CCZ1B: variants seen among roughly 807,000 people sequenced by gnomAD.
CCZ1B encodes the protein vacuolar fusion protein CCZ1 homolog B.
In CCZ1B, 25 loss-of-function variants were observed where a neutral mutation model predicts 58.8. That is an observed-to-expected ratio of 0.43 (90% confidence interval 0.31 to 0.59). The LOEUF is 0.59. Ranked by LOEUF, CCZ1B falls within the 20% of genes least tolerant of loss-of-function variation. The pLI is 0.12. For synonymous variants in CCZ1B, 66 were observed against 173.2 expected (o/e 0.38, Z 4.86); for missense variants, 180 against 501.5 (o/e 0.36, Z 6.12).
At chr7:6,818,807 G>C (rs1783061399) in intron 7 of CCZ1B, among the ~76,000 whole-genome samples, 1 of 148,830 alleles carries the variant, frequency 6.7e-6, no homozygotes, top group Non-Finnish European at 1.5e-5. Context: ...GATGACTTCT[G>C]TCCACCTACT....
intron 10 of CCZ1B, among the ~76,000 whole-genome samples, chr7:6,808,441 C>G (rs1475800304): frequency 6.8e-6 from 1 of 148,044 alleles, no homozygotes; most frequent in Non-Finnish European, 1.5e-5. Context: ...CCAACCCAAA[C>G]CAACCTAAAG....
intron 7 of CCZ1B, among the ~76,000 whole-genome samples, chr7:6,816,418 C>T (rs62441816): frequency 0.28 from 40,301 of 144,930 alleles, 5,948 homozygotes; most frequent in South Asian, 0.47. Flanking sequence ...GAGGCGCAGG[C>T]TGAAGTGAGC....
rs532992417 is a variant in CCZ1B, at chr7:6,815,314, C to G, written c.699-469G>C. ...CAGACTAGCTGGGACTACAGGCATGCGCCACCATCAGCTAATTTTTGTATT... is the reference window on the plus strand; with the variant it reads ...CAGACTAGCTGGGACTACAGGCATGGGCCACCATCAGCTAATTTTTGTATT... On this transcript the variant is annotated intron_variant, in intron 7 of 14. Coordinates refer to ENST00000316731, the MANE Select transcript of CCZ1B (RefSeq NM_198097.5). 4.7e-5 allele frequency among the ~76,000 whole-genome samples: 7 copies of G among 148,412 alleles called. 1 individual carries two copies. Among genetic ancestry groups the G allele is most frequent in the African/African-American group, 1.8e-4 (7 of 39,072 alleles).
intron 11 of CCZ1B, 157 bp downstream of exon 11, chr7:6,805,847 A>G (rs1346721823): frequency 1.4e-6 from 1 of 702,158 alleles, no homozygotes; most frequent in Non-Finnish European, 2.6e-6. Flanking sequence ...GGCTACAGTG[A>G]GCTATGATCA....
At chr7:6,820,455 G>A (rs982771495) in intron 6 of CCZ1B, among the ~76,000 whole-genome samples, 10 of 149,010 alleles carry the variant, frequency 6.7e-5, no homozygotes, top group Non-Finnish European at 1.3e-4. Context: ...GGGATTAGAG[G>A]TGTGAGCCAC....
At chr7:6,807,557 GA>G (rs1180715669) in intron 10 of CCZ1B, among the ~76,000 whole-genome samples, 2 of 29,760 alleles carry the variant, frequency 6.7e-5, no homozygotes, top group African/African-American at 1.6e-4. Flanking sequence ...AAGAAACAAA[GA>G]GAGAAGACTC....
chr7:6,818,739 G>A (rs550480126), intron 7 of CCZ1B, among the ~76,000 whole-genome samples: 1 of 148,002 alleles, frequency 6.8e-6, no homozygotes, highest in South Asian at 2.2e-4. Flanking sequence ...AAGAAAGAAA[G>A]AGGGCTCTAG....
chr7:6,810,990 C>T (rs1368576392), intron 10 of CCZ1B, among the ~76,000 whole-genome samples: 1 of 151,236 alleles, frequency 6.6e-6, no homozygotes, highest in East Asian at 1.9e-4. Flanking sequence ...CAGGGGCAGA[C>T]ATCCACGTTA....
rs770529396 is a variant in CCZ1B, at chr7:6,823,371, G to A, written c.391-11C>T. 5 of 1,607,582 alleles carry A rather than the reference G, an allele frequency of 3.1e-6. No individual in the cohort carries two copies. The highest frequency in any genetic ancestry group is 2.2e-5 in the East Asian group (1 of 44,860). On this transcript the variant is annotated splice_polypyrimidine_tract_variant and intron_variant, in intron 4 of 14. Transcript: ENST00000316731. Reference sequence around the variant, plus strand: ...GCTATAAACCTTGTCCTGCAGACGCGAAAACACAGCACACAGCTCAGTTCA... The same window carrying A: ...GCTATAAACCTTGTCCTGCAGACGCAAAAACACAGCACACAGCTCAGTTCA...
At chr7:6,815,402 G>A (rs919273270) in intron 7 of CCZ1B, among the ~76,000 whole-genome samples, 13 of 149,496 alleles carry the variant, frequency 8.7e-5, no homozygotes, top group Non-Finnish European at 1.5e-4. Flanking sequence ...GACTCAAGCA[G>A]TGCTCCCGCC....
intron 10 of CCZ1B, among the ~76,000 whole-genome samples, chr7:6,811,176 C>CT (rs1345873537): frequency 1.3e-5 from 2 of 150,884 alleles, no homozygotes; most frequent in African/African-American, 5.0e-5. Context: ...AGGCCCCACT[C>CT]TGACTCCTCA....
At chr7:6,813,318 G>A (rs1242017059) in intron 8 of CCZ1B, among the ~76,000 whole-genome samples, 1 of 149,380 alleles carries the variant, frequency 6.7e-6, no homozygotes, top group Non-Finnish European at 1.5e-5. Flanking sequence ...AGGTGAGGTG[G>A]CTCACGCCTA....
intron 6 of CCZ1B, among the ~76,000 whole-genome samples, chr7:6,820,486 T>C (rs868492981): frequency 3.8e-4 from 57 of 149,224 alleles, no homozygotes; most frequent in African/African-American, 1.3e-3. Context: ...CAAAAATTTT[T>C]TTTTTTTTTT....
intron 7 of CCZ1B, among the ~76,000 whole-genome samples, chr7:6,817,562 C>T (rs1583554658): frequency 6.7e-6 from 1 of 149,780 alleles, no homozygotes; most frequent in African/African-American, 2.5e-5. Flanking sequence ...AGGAGCCATC[C>T]CTCTGCAGAC....
chr7:6,826,257 GC>G lies in CCZ1B; in HGVS notation c.-61del, dbSNP rs1159326288. On this transcript the variant is annotated 5_prime_UTR_variant, in exon 1 of 15. Transcript: ENST00000316731. ...GCCCGCCCAGAGACAGCAGCCACCG[GC>G]TAAAACACCGCACTTCCGCCTCCGT... is the stretch of plus-strand genomic sequence containing the variant. 1.3e-6 allele frequency: 1 copy of G among 763,074 alleles called. No homozygotes were observed. The allele number at this position is 763,074 out of a possible 1,614,324, so 47.3% of individuals were successfully genotyped here.
chr7:6,825,659 ACACACC>A (rs1337093030), intron 1 of CCZ1B, among the ~76,000 whole-genome samples: 3 of 126,430 alleles, frequency 2.4e-5, no homozygotes, highest in South Asian at 3.5e-4. Context: ...ACACACACAC[ACACACC>A]CCTCCCGAAA....
intron 6 of CCZ1B, among the ~76,000 whole-genome samples, chr7:6,820,724 C>G (rs1783095572): frequency 6.7e-6 from 1 of 148,580 alleles, no homozygotes; most frequent in Non-Finnish European, 1.5e-5. Flanking sequence ...GAGTTTGAGA[C>G]CAGCCTCGCC....
At chr7:6,821,368 C>G (rs1783107522) in intron 6 of CCZ1B, among the ~76,000 whole-genome samples, 1 of 151,936 alleles carries the variant, frequency 6.6e-6, no homozygotes, top group Admixed American at 6.6e-5. Flanking sequence ...GACAACAGTT[C>G]TATCCATATG....
At chr7:6,823,578 G>T (rs1783148448) in intron 4 of CCZ1B, among the ~76,000 whole-genome samples, 1 of 141,074 alleles carries the variant, frequency 7.1e-6, no homozygotes, top group Non-Finnish European at 1.5e-5. Flanking sequence ...GAGCGCAGTG[G>T]TACAATCCTG....
Sources: allele counts gnomAD v4.1 joint callset (sites outside exome capture counted in the v4.1 genomes callset), GRCh38; gene constraint gnomAD v4.1.1; transcripts MANE v1.5; gene names NCBI Gene and HGNC (gene_info 2026-07-23, HGNC 2026-07-21).